Variants in RAD54L observed in about 807,000 individuals in gnomAD.
The protein encoded by RAD54L is DNA repair and recombination protein RAD54-like.
Under a neutral mutation model 91.6 loss-of-function variants are expected in RAD54L, and 74 were observed. The observed-to-expected ratio is 0.81, with a 90% CI of 0.67 to 0.98. RAD54L has a LOEUF of 0.98. Ranked by LOEUF, RAD54L falls within the 50% of genes least tolerant of loss-of-function variation. RAD54L has a pLI of 0.00. For missense variants in RAD54L, 887 were observed against 945.7 expected (o/e 0.94, Z 0.81); for synonymous variants, 304 against 349.7 (o/e 0.87, Z 1.46).
rs199685519 is a variant in RAD54L at position 46,272,783 on chromosome 1, G to A, written c.1356G>A (p.Ser452=). Reference sequence around the variant, plus strand: ...TGTCTTCCCTTTCTTCCATCACCTCGCTAAAGAAGCTTTGTAATCGTGAGT... The same window carrying A: ...TGTCTTCCCTTTCTTCCATCACCTCACTAAAGAAGCTTTGTAATCGTGAGT... ...MSVSSLSSIT[S]LKKLCNHPAL... The change falls in exon 12 of 18, where the codon TCG becomes TCA. Residue 452 remains serine (S), a synonymous_variant. Transcript: ENST00000371975. 26 of 1,614,012 alleles carry A rather than the reference G, an allele frequency of 1.6e-5. No individual in the cohort carries two copies. The South Asian group carries it at 2.7e-4, about 17-fold the overall frequency.
At chr1:46,274,454 C>T (rs924446748) in intron 15 of RAD54L, 84 bp from the exon 16 acceptor site, 5 of 1,476,834 alleles carry the variant, frequency 3.4e-6, no homozygotes, top group African/African-American at 2.8e-5. Context: ...AGTATAGAGG[C>T]ATGAGGGAGG....
At chr1:46,254,252 G>T (rs983642243) in intron 3 of RAD54L, among the ~76,000 whole-genome samples, 7 of 151,974 alleles carry the variant, frequency 4.6e-5, no homozygotes, top group Non-Finnish European at 1.0e-4. Flanking sequence ...TGGTATTACA[G>T]GTGTGAGCTG....
At position 46,260,761 on chromosome 1, in the gene RAD54L, G is replaced by A. The variant is rs145441107; in HGVS notation, c.512G>A (p.Arg171Gln). 130 of 1,614,164 alleles carry A rather than the reference G, an allele frequency of 8.1e-5. No individual in the cohort carries two copies. In the African/African-American group the frequency reaches 1.3e-3, roughly 16 times the overall value. Residue 171 changes from arginine (R) to glutamine (Q), a missense_variant, in exon 7 of 18, where the codon CGG becomes CAG. Arg to Gln is a conservative substitution (Grantham distance 43). Coordinates refer to ENST00000371975, the MANE Select transcript of RAD54L (RefSeq NM_003579.4). ...TTCCTGTGGGAGTGTGTCACCAGTC[G>A]GCGCATCCCTGGCAGCCATGGCTGC... Reference protein sequence around the residue: ...VKFLWECVTSRRIPGSHGCIM... With the variant: ...VKFLWECVTSQRIPGSHGCIM...
intron 4 of RAD54L, 123 bp downstream of exon 4, chr1:46,258,869 T>A: frequency 1.2e-6 from 1 of 827,164 alleles, no homozygotes. Flanking sequence ...CAGCGGTGGC[T>A]GTGTTTGGGG....
intron 8 of RAD54L, among the ~76,000 whole-genome samples, chr1:46,261,608 G>C (rs1056528611): frequency 1.3e-5 from 2 of 152,178 alleles, no homozygotes; most frequent in Non-Finnish European, 2.9e-5. Context: ...TGAGATACTG[G>C]GGGCTGATTG....
chr1:46,251,522 T>C (rs768444183), intron 3 of RAD54L, among the ~76,000 whole-genome samples: 1 of 152,024 alleles, frequency 6.6e-6, no homozygotes, highest in Non-Finnish European at 1.5e-5. Context: ...AGCATACATA[T>C]AAAAATCACT....
At chr1:46,267,687 G>GA in intron 9 of RAD54L, 78 bp downstream of exon 9, 1 of 1,509,094 alleles carries the variant, frequency 6.6e-7, no homozygotes, top group Non-Finnish European at 9.2e-7. Flanking sequence ...GCTGAGGAGA[G>GA]AAAGAAGAGA....
At chr1:46,257,298 G>A (rs1659971383) in intron 3 of RAD54L, among the ~76,000 whole-genome samples, 1 of 151,954 alleles carries the variant, frequency 6.6e-6, no homozygotes, top group Non-Finnish European at 1.5e-5. Flanking sequence ...TTGCTAGAAG[G>A]GACATTTTTT....
intron 3 of RAD54L, among the ~76,000 whole-genome samples, chr1:46,252,495 T>A (rs1035956080): frequency 1.3e-5 from 2 of 151,968 alleles, no homozygotes; most frequent in African/African-American, 4.8e-5. Context: ...GTGGGTGGAT[T>A]TTGAGAGATA....
chr1:46,259,441 G>A (rs1168546900), intron 4 of RAD54L, among the ~76,000 whole-genome samples: 2 of 152,134 alleles, frequency 1.3e-5, no homozygotes, highest in African/African-American at 4.8e-5. Flanking sequence ...GTAATTGAAT[G>A]GGAGAAATAA....
rs1557707200 is a variant in RAD54L, at chr1:46,272,543, A to G, written c.1244+3A>G. On this transcript the variant is annotated splice_donor_region_variant and intron_variant, in intron 11 of 17. Transcript: ENST00000371975. The stretch of plus-strand genomic sequence containing the variant: ...ATTGAGCAGGTCGTTTGTTGTAGGT[A>G]CTGAACTCAACTGAAAGATGTGGAG... The G allele has an allele frequency of 6.2e-7, 1 of 1,609,200 alleles. No individual in the cohort carries two copies. Among genetic ancestry groups the G allele is most frequent in the Non-Finnish European group, 8.5e-7 (1 of 1,175,488 alleles).
chr1:46,257,822 G>A (rs2148284814), intron 3 of RAD54L, among the ~76,000 whole-genome samples: 1 of 152,280 alleles, frequency 6.6e-6, no homozygotes, highest in African/African-American at 2.4e-5. Context: ...GTACAAGTAA[G>A]GACCCTAGAA....
At chr1:46,264,733 T>C (rs796308209) in intron 8 of RAD54L, among the ~76,000 whole-genome samples, 19 of 152,334 alleles carry the variant, frequency 1.2e-4, no homozygotes, top group African/African-American at 4.3e-4. Context: ...AGCGAGTACA[T>C]AGTAAGCTGG....
chr1:46,249,871 G>C, intron 2 of RAD54L, 129 bp from the exon 3 acceptor site: 1 of 973,504 alleles, frequency 1.0e-6, no homozygotes, highest in Non-Finnish European at 1.6e-6. Flanking sequence ...CTATGAAGAT[G>C]ATACACTATG....
chr1:46,250,220 C>A (rs2148276374), intron 3 of RAD54L, 101 bp downstream of exon 3: 1 of 1,498,380 alleles, frequency 6.7e-7, no homozygotes, highest in Non-Finnish European at 9.2e-7. Flanking sequence ...TCTAGAGTGG[C>A]CAGAAGACAC....
chr1:46,254,953 C>T (rs2148281508), intron 3 of RAD54L, among the ~76,000 whole-genome samples: 1 of 152,192 alleles, frequency 6.6e-6, no homozygotes, highest in South Asian at 2.1e-4. Flanking sequence ...CATTAGGGGA[C>T]TGAAGATGAG....
intron 3 of RAD54L, among the ~76,000 whole-genome samples, chr1:46,257,753 G>C (rs1338532865): frequency 6.6e-6 from 1 of 152,180 alleles, no homozygotes; most frequent in Non-Finnish European, 1.5e-5. Context: ...AAGCTGCTGG[G>C]TCTGGGCTGA....
chr1:46,250,038 C>G lies in RAD54L; in HGVS notation c.129C>G (p.Ile43Met), dbSNP rs2148276044. The G allele has an allele frequency of 6.2e-7, 1 of 1,614,022 alleles. No individual in the cohort carries two copies. The highest frequency in any genetic ancestry group is 8.5e-7 in the Non-Finnish European group (1 of 1,179,862). ...RKRKSSSETQ[I>M]QECFLSPFRK... is the part of the protein sequence containing the mutation. ...GGAAATCCAGCAGTGAGACCCAGAT[C>G]CAGGAGTGTTTCCTGTCTCCTTTTC... Residue 43 changes from isoleucine to methionine, a missense_variant, in exon 3 of 18, where the codon ATC (isoleucine) becomes ATG (methionine). Coordinates refer to ENST00000371975, the MANE Select transcript of RAD54L (RefSeq NM_003579.4).
intron 4 of RAD54L, among the ~76,000 whole-genome samples, chr1:46,259,197 T>C (rs1660028089): frequency 6.6e-6 from 1 of 151,406 alleles, no homozygotes; most frequent in South Asian, 2.1e-4. Context: ...TTTAATTTAA[T>C]AGAGATAGGA....
Sources: gnomAD v4.1 joint callset for allele counts (sites outside exome capture counted in the v4.1 genomes callset) on GRCh38, gnomAD v4.1.1 for gene constraint, MANE v1.5 for transcripts, NCBI Gene and HGNC (gene_info 2026-07-23, HGNC 2026-07-21) for gene names.